ROBO2: variants seen among roughly 807,000 people sequenced by gnomAD.
ROBO2 encodes roundabout homolog 2.
A neutral mutation model predicts 160.8 loss-of-function variants in ROBO2; 53 were observed. The ratio of observed to expected loss-of-function variants is 0.33; its 90% CI spans 0.26 to 0.41. The LOEUF (loss-of-function observed/expected upper bound fraction) is 0.41, where lower values mean the gene tolerates loss of function less well. ROBO2 is among the 10% of genes least tolerant of loss of function. The probability of loss-of-function intolerance (pLI) is 1.00; values close to 1 mark genes in which losing one functional copy is unlikely to be tolerated. For synonymous variants in ROBO2, 664 were observed against 611.7 expected (o/e 1.09, Z -1.26); for missense variants, 1,577 against 1,722.4 (o/e 0.92, Z 1.49).
intron 2 of ROBO2, among the ~76,000 whole-genome samples, chr3:77,108,167 T>C (rs2073064033): frequency 6.6e-6 from 1 of 151,602 alleles, no homozygotes; most frequent in Non-Finnish European, 1.5e-5. Flanking sequence ...TATATATACA[T>C]ATGTATACAC....
intron 5 of ROBO2, among the ~76,000 whole-genome samples, chr3:77,494,924 TC>T: frequency 6.6e-6 from 1 of 152,298 alleles, no homozygotes; most frequent in East Asian, 1.9e-4. Flanking sequence ...GTGGGGAAAG[TC>T]ATCATTGTGT....
chr3:77,087,136 T>C (rs2069435581), intron 1 of ROBO2, among the ~76,000 whole-genome samples: 1 of 152,132 alleles, frequency 6.6e-6, no homozygotes. Flanking sequence ...GAAGGAAATA[T>C]AATAGAAAGT....
chr3:76,729,481 A>G (rs2093601665), intron 2 of ROBO2, among the ~76,000 whole-genome samples: 1 of 152,152 alleles, frequency 6.6e-6, no homozygotes, highest in Non-Finnish European at 1.5e-5. Flanking sequence ...TATGACTGTC[A>G]TGAGAATAAG....
Position 77,550,893 on chromosome 3 carries a change from A to G in ROBO2, c.1135A>G (p.Thr379Ala), listed in dbSNP as rs544837917. 1.4e-5 allele frequency: 23 copies of G among 1,613,098 alleles called. No individual in the cohort carries two copies. In the African/African-American group the frequency reaches 2.8e-4, roughly 20 times the overall value. ...GTCACCAACTGGAGACCTCACAATC[A>G]CCAACATTCAACGTTCCGACGCGGG... Residue 379 changes from threonine to alanine, a missense_variant, in exon 8 of 26, where the codon ACC becomes GCC. Physicochemically the swap from Thr to Ala is moderately conservative, Grantham distance 58. This residue lies in a region of ROBO2 where 940 missense variants were observed against 1,135.5 expected (regional missense o/e 0.83). Coordinates refer to ENST00000461745, the Ensembl canonical transcript of ROBO2.
intron 2 of ROBO2, among the ~76,000 whole-genome samples, chr3:76,648,041 C>G (rs777241016): frequency 3.2e-4 from 48 of 151,878 alleles, no homozygotes; most frequent in Non-Finnish European, 6.0e-4. Context: ...TTTAAATTCT[C>G]GTATTATTTT....
At chr3:76,605,721 A>G (rs1340242756) in intron 2 of ROBO2, among the ~76,000 whole-genome samples, 1 of 152,154 alleles carries the variant, frequency 6.6e-6, no homozygotes, top group East Asian at 1.9e-4. Context: ...TAACATGGGG[A>G]ATTAAAGAAT....
At position 76,192,015 on chromosome 3, in the gene ROBO2, C is replaced by A. The variant is rs1044241571; in HGVS notation, c.109+254413C>A. Among the ~76,000 whole-genome samples the A allele has an allele frequency of 2.6e-5, 4 of 152,194 alleles. No individual in the cohort carries two copies. In the East Asian group the frequency reaches 7.8e-4, roughly 30 times the overall value. On this transcript the variant is annotated intron_variant, in intron 2 of 26. Transcript: ENST00000487694. ...CTATTATTGGACTATAGATTGCAATCTAGAAAAATTATTGGTTTCCAACAG... is the reference window on the plus strand; with the variant it reads ...CTATTATTGGACTATAGATTGCAATATAGAAAAATTATTGGTTTCCAACAG...
chr3:76,865,837 G>A lies in ROBO2; in HGVS notation c.110-232177G>A, dbSNP rs561203833. ...ATTTCTAGTACAAATGCTGTATTAC[G>A]TTTTGAATTAAGAGGCATTTTATTC... is the stretch of plus-strand genomic sequence containing the variant. On this transcript the variant is annotated intron_variant, in intron 2 of 26. Transcript: ENST00000487694. 6.6e-5 allele frequency among the ~76,000 whole-genome samples: 10 copies of A among 152,156 alleles called. No individual in the cohort carries two copies. The South Asian group carries it at 1.5e-3, about 22-fold the overall frequency.
intron 2 of ROBO2, among the ~76,000 whole-genome samples, chr3:75,943,203 C>T (rs981753767): frequency 5.9e-5 from 9 of 151,714 alleles, no homozygotes; most frequent in African/African-American, 9.7e-5. Context: ...AATTGAATTA[C>T]ATCACTCAAT....
At chr3:77,496,369 G>C (rs749777702) in intron 5 of ROBO2, among the ~76,000 whole-genome samples, 7 of 152,116 alleles carry the variant, frequency 4.6e-5, no homozygotes. Flanking sequence ...TGTTTCAGAG[G>C]AGTTTATTCA....
chr3:76,504,526 T>A, intron 2 of ROBO2, among the ~76,000 whole-genome samples: 1 of 132,142 alleles, frequency 7.6e-6, no homozygotes, highest in Admixed American at 7.6e-5. Flanking sequence ...ACTCTTTTTT[T>A]TTTTTTTTTT....
At chr3:77,459,728 T>A (rs536610246) in intron 2 of ROBO2, among the ~76,000 whole-genome samples, 1 of 151,930 alleles carries the variant, frequency 6.6e-6, no homozygotes, top group East Asian at 1.9e-4. Context: ...GTGTAGGAAG[T>A]CATGGGGAGA....
intron 2 of ROBO2, among the ~76,000 whole-genome samples, chr3:76,337,398 A>G (rs1258193475): frequency 6.6e-6 from 1 of 152,202 alleles, no homozygotes; most frequent in African/African-American, 2.4e-5. Flanking sequence ...TGAAGATTAA[A>G]GTGAAAAGAG....
chr3:76,707,050 GTATA>G (rs1323642349), intron 2 of ROBO2, among the ~76,000 whole-genome samples: 1 of 151,904 alleles, frequency 6.6e-6, no homozygotes, highest in African/African-American at 2.4e-5. Flanking sequence ...GTGTATGCAT[GTATA>G]TATACATATT....
At chr3:77,037,357 AAAC>A (rs1323501915), upstream of ROBO2, among the ~76,000 whole-genome samples, 2 of 152,204 alleles carry the variant, frequency 1.3e-5, no homozygotes, top group Admixed American at 1.3e-4. Flanking sequence ...AGTGTATGGC[AAAC>A]AACAACAACC....
At chr3:76,273,114 CATATAAAT>C (rs1218094563) in intron 2 of ROBO2, among the ~76,000 whole-genome samples, 32,362 of 106,408 alleles carry the variant, frequency 0.3, 5,711 homozygotes, top group Non-Finnish European at 0.38. Context: ...TACACACACA[CATATAAAT>C]ATATATATAT....
chr3:76,685,977 A>C (rs1384889453), intron 2 of ROBO2, among the ~76,000 whole-genome samples: 2 of 152,124 alleles, frequency 1.3e-5, no homozygotes, highest in Non-Finnish European at 2.9e-5. Flanking sequence ...TGAGAGCATA[A>C]GCAAAAGGTT....
intron 2 of ROBO2, among the ~76,000 whole-genome samples, chr3:75,975,085 T>C (rs2065101212): frequency 6.6e-6 from 1 of 151,512 alleles, no homozygotes; most frequent in African/African-American, 2.4e-5. Flanking sequence ...TGCTTAAAAT[T>C]TGGAAGAAGA....
At chr3:76,012,855 TG>T (rs71627492) in intron 2 of ROBO2, among the ~76,000 whole-genome samples, 322 of 126,032 alleles carry the variant, frequency 2.6e-3, no homozygotes, top group Non-Finnish European at 3.8e-3. Context: ...AATTGGCGAC[TG>T]GGCACGGTGG....
Sources: allele counts gnomAD v4.1 joint callset (sites outside exome capture counted in the v4.1 genomes callset), GRCh38; gene constraint gnomAD v4.1.1; regional missense constraint gnomAD v4.1.1; transcripts MANE v1.5; gene names NCBI Gene and HGNC (gene_info 2026-07-23, HGNC 2026-07-21).